Variants in PDE11A observed in about 807,000 individuals in gnomAD.
PDE11A encodes the protein phosphodiesterase 11A.
Under a neutral mutation model 100.5 loss-of-function variants are expected in PDE11A, and 100 were observed. The ratio of observed to expected loss-of-function variants is 1.00; its 90% CI spans 0.85 to 1.18. The LOEUF (loss-of-function observed/expected upper bound fraction) is 1.18, where lower values mean the gene tolerates loss of function less well. PDE11A is among the 50% of genes most tolerant of loss of function. The pLI, the probability that PDE11A is intolerant of heterozygous loss-of-function variation, is 0.00. For synonymous variants in PDE11A, 381 were observed against 420.8 expected (o/e 0.91, Z 1.16); for missense variants, 1,141 against 1,152.6 (o/e 0.99, Z 0.15).
At chr2:177,743,327 AAAG>A (rs2081901804) in intron 10 of PDE11A, among the ~76,000 whole-genome samples, 1 of 152,230 alleles carries the variant, frequency 6.6e-6, no homozygotes, top group South Asian at 2.1e-4. Flanking sequence ...TTCAGCTGTG[AAAG>A]AAAAGAGATA....
intron 9 of PDE11A, among the ~76,000 whole-genome samples, chr2:177,813,087 T>C (rs1344739660): frequency 2.5e-5 from 2 of 79,940 alleles, no homozygotes; most frequent in Admixed American, 1.1e-4. Context: ...CAGTCTGCCA[T>C]AATAACCACA....
intron 12 of PDE11A, among the ~76,000 whole-genome samples, chr2:177,719,347 G>A (rs773539226): frequency 6.6e-6 from 1 of 152,170 alleles, no homozygotes; most frequent in Non-Finnish European, 1.5e-5. Context: ...CCTAATGGTT[G>A]CAGACACCCT....
intron 12 of PDE11A, among the ~76,000 whole-genome samples, chr2:177,717,287 T>A (rs1458181490): frequency 1.3e-5 from 2 of 152,044 alleles, no homozygotes; most frequent in African/African-American, 4.8e-5. Flanking sequence ...TGCCACTAAG[T>A]GTCCTTTTGC....
At chr2:177,930,240 T>C (rs1342417094) in intron 2 of PDE11A, among the ~76,000 whole-genome samples, 1 of 152,230 alleles carries the variant, frequency 6.6e-6, no homozygotes, top group East Asian at 1.9e-4. Context: ...GAGGCTGTTT[T>C]ACTTTTAAAC....
At chr2:177,873,081 C>A (rs1481197641) in intron 5 of PDE11A, among the ~76,000 whole-genome samples, 1 of 152,104 alleles carries the variant, frequency 6.6e-6, no homozygotes, top group African/African-American at 2.4e-5. Flanking sequence ...TTGCCAAGAG[C>A]AGTCTAGGTC....
chr2:177,657,141 C>T (rs2080401749), intron 19 of PDE11A, among the ~76,000 whole-genome samples: 11 of 152,150 alleles, frequency 7.2e-5, no homozygotes, highest in Admixed American at 7.2e-4. Flanking sequence ...ATAAAACCAA[C>T]ACTTTTGAAT....
chr2:177,661,673 T>C (rs954218591), intron 19 of PDE11A, among the ~76,000 whole-genome samples: 1 of 152,156 alleles, frequency 6.6e-6, no homozygotes, highest in Non-Finnish European at 1.5e-5. Flanking sequence ...AATAATGAGA[T>C]CTTTTTTTAC....
In PDE11A at chr2:177,675,475, G is replaced by A; in HGVS notation, c.2467C>T (p.Pro823Ser). ...CTTGCCTGTCTGGAGATCTCCCACGGTTTGGTCACGGCTCCAAGGTCACAG... is the reference window on the plus strand; with the variant it reads ...CTTGCCTGTCTGGAGATCTCCCACGATTTGGTCACGGCTCCAAGGTCACAG... ...TACDLGAVTK[P>S]WEISRQVAEL... Residue 823 changes from proline to serine, a missense_variant, in exon 17 of 20, where the codon CCG becomes TCG. Physicochemically the swap from Pro to Ser is moderately conservative, Grantham distance 74. Coordinates refer to ENST00000286063, the MANE Select transcript of PDE11A (RefSeq NM_016953.4). 6.2e-7 allele frequency: 1 copy of A among 1,613,352 alleles called. No homozygotes were observed. The highest frequency in any genetic ancestry group is 8.5e-7 in the Non-Finnish European group (1 of 1,179,466).
intron 19 of PDE11A, among the ~76,000 whole-genome samples, chr2:177,640,719 C>T (rs530587815): frequency 1.2e-4 from 19 of 152,350 alleles, no homozygotes; most frequent in African/African-American, 4.3e-4. Flanking sequence ...GCTTTCCAGC[C>T]TTCTACTTTT....
At chr2:178,019,248 C>A (rs1281801474) in intron 1 of PDE11A, among the ~76,000 whole-genome samples, 1 of 152,146 alleles carries the variant, frequency 6.6e-6, no homozygotes, top group Non-Finnish European at 1.5e-5. Flanking sequence ...ATTTCTAAAT[C>A]CTAAGAAGAG....
rs561091442 is a variant in PDE11A, at chr2:177,952,999, A to G, written c.1072-47812T>C. 2.6e-5 allele frequency: 4 copies of G among 152,322 alleles called. No individual in the cohort carries two copies. The East Asian group carries it at 7.7e-4, about 29-fold the overall frequency. The allele number at this position is 152,322 out of a possible 1,614,324, so 9.4% of individuals were successfully genotyped here. A position where few individuals can be genotyped will look rare whatever the true frequency, so the allele number is the denominator to read the frequency against. On this transcript the variant is annotated intron_variant, in intron 2 of 19. Transcript: ENST00000286063. ...ATCATTTGTCTTCCTGAAAAGCAGG[A>G]AAATATTTCAGATTTGTTGCCAAAC...
At chr2:178,103,090 A>T (rs2087579186) in intron 2 of PDE11A, among the ~76,000 whole-genome samples, 1 of 152,212 alleles carries the variant, frequency 6.6e-6, no homozygotes, top group Non-Finnish European at 1.5e-5. Flanking sequence ...TTGCCATAAA[A>T]AATTATTAGA....
intron 9 of PDE11A, among the ~76,000 whole-genome samples, chr2:177,769,756 G>A (rs766494111): frequency 7.2e-5 from 11 of 151,984 alleles, no homozygotes; most frequent in Non-Finnish European, 1.3e-4. Context: ...GCATGGTGGT[G>A]TGTGTCTGTA....
At chr2:177,904,973 T>C (rs1046682080) in intron 3 of PDE11A, 125 bp downstream of exon 3, 2 of 710,530 alleles carry the variant, frequency 2.8e-6, no homozygotes, top group African/African-American at 1.8e-5. Flanking sequence ...TGCAGAATTA[T>C]ACAAATAAAA....
intron 16 of PDE11A, among the ~76,000 whole-genome samples, chr2:177,678,675 GGAGGGCAGAT>G (rs1214930856): frequency 1.3e-5 from 2 of 152,154 alleles, no homozygotes; most frequent in Non-Finnish European, 2.9e-5. Flanking sequence ...AATGGGGGAG[GGAGGGCAGAT>G]GAGGGGAGAG....
chr2:177,779,256 G>A lies in PDE11A; in HGVS notation c.1738-9883C>T, dbSNP rs138711938. ...TGATCATCTGAGCCTTCAGCAAGTC[G>A]TAATATTTTTGCTGGTGGAGGGTCT... is the stretch of plus-strand genomic sequence containing the variant. On this transcript the variant is annotated intron_variant, in intron 9 of 19. Coordinates refer to ENST00000286063, the MANE Select transcript of PDE11A (RefSeq NM_016953.4). Among the ~76,000 whole-genome samples the A allele has an allele frequency of 2.6e-3, 396 of 152,302 alleles. 7 individuals carry two copies. Among genetic ancestry groups the A allele is most frequent in the African/African-American group, 9.2e-3 (381 of 41,564 alleles).
At chr2:177,677,945 G>A (rs573156333) in intron 16 of PDE11A, 40 of 152,174 alleles carry the variant, frequency 2.6e-4, no homozygotes, top group Admixed American at 5.9e-4. Context: ...TTCTTGATTT[G>A]TTCTGTAGTT....
intron 9 of PDE11A, among the ~76,000 whole-genome samples, chr2:177,792,070 G>A (rs2082640896): frequency 6.6e-6 from 1 of 152,060 alleles, no homozygotes; most frequent in Admixed American, 6.6e-5. Context: ...TATGCATATT[G>A]GACTATAATT....
intron 4 of PDE11A, among the ~76,000 whole-genome samples, chr2:177,893,809 G>T (rs1401813909): frequency 1.3e-5 from 2 of 152,052 alleles, no homozygotes; most frequent in African/African-American, 4.8e-5. Context: ...TAAGTAATAT[G>T]GAAAAGGTAT....
Sources: allele counts gnomAD v4.1 joint callset (sites outside exome capture counted in the v4.1 genomes callset), GRCh38; gene constraint gnomAD v4.1.1; transcripts MANE v1.5; gene names NCBI Gene and HGNC (gene_info 2026-07-23, HGNC 2026-07-21).